The following SLC44A1 variants were observed in gnomAD, a reference collection of about 807,000 sequenced individuals.
The protein encoded by SLC44A1 is choline transporter-like protein 1.
A neutral mutation model predicts 79.3 loss-of-function variants in SLC44A1; 26 were observed. The observed-to-expected ratio is 0.33, with a 90% confidence interval of 0.24 to 0.46. The LOEUF is 0.46. SLC44A1 is among the 20% of genes least tolerant of loss of function. The pLI is 1.00. For missense variants in SLC44A1, 688 were observed against 798.1 expected (o/e 0.86, Z 1.66); for synonymous variants, 263 against 286.2 (o/e 0.92, Z 0.82).
chr9:105,260,980 A>G (rs1829825929), intron 1 of SLC44A1, among the ~76,000 whole-genome samples: 1 of 152,242 alleles, frequency 6.6e-6, no homozygotes, highest in African/African-American at 2.4e-5. Context: ...GTATTCAGAG[A>G]CTAAACATTT....
chr9:105,349,218 G>A (rs1183672569), intron 5 of SLC44A1, among the ~76,000 whole-genome samples: 2 of 152,122 alleles, frequency 1.3e-5, no homozygotes, highest in South Asian at 2.1e-4. Flanking sequence ...TGGAGTGTTG[G>A]TCAGATCACA....
At position 105,297,476 on chromosome 9, in the gene SLC44A1, C is replaced by T. The variant is rs565654921; in HGVS notation, c.37-1744C>T. On this transcript the variant is annotated intron_variant, in intron 1 of 15. Transcript: ENST00000374720. ...TTGGCTTACCACAACCTCCGCCTCC[C>T]GGGTTCAAGCGATTTTCCTGCCTCA... 8.5e-5 allele frequency among the ~76,000 whole-genome samples: 13 copies of T among 152,192 alleles called. No individual in the cohort carries two copies. The East Asian group carries it at 1.7e-3, about 20-fold the overall frequency.
intron 1 of SLC44A1, among the ~76,000 whole-genome samples, chr9:105,267,227 C>T (rs1277429092): frequency 2.6e-5 from 4 of 152,150 alleles, no homozygotes; most frequent in African/African-American, 4.8e-5. Flanking sequence ...CTTCTAGGGT[C>T]GCTGTTGAAG....
At chr9:105,297,682 T>G (rs1376274384) in intron 1 of SLC44A1, among the ~76,000 whole-genome samples, 1 of 152,170 alleles carries the variant, frequency 6.6e-6, no homozygotes, top group Non-Finnish European at 1.5e-5. Flanking sequence ...ATGCCTGGCC[T>G]GTGCTTACAT....
intron 15 of SLC44A1, among the ~76,000 whole-genome samples, chr9:105,419,034 C>A (rs888901040): frequency 1.3e-5 from 2 of 151,970 alleles, no homozygotes; most frequent in Non-Finnish European, 2.9e-5. Flanking sequence ...TGTAACTGAA[C>A]AAAATTTGGC....
At chr9:105,279,403 C>A (rs937568483) in intron 1 of SLC44A1, among the ~76,000 whole-genome samples, 1 of 151,180 alleles carries the variant, frequency 6.6e-6, no homozygotes, top group South Asian at 2.1e-4. Flanking sequence ...CTGCAACCTC[C>A]GCCTCCCGGG....
chr9:105,257,005 C>T (rs973328100), intron 1 of SLC44A1, among the ~76,000 whole-genome samples: 2 of 151,898 alleles, frequency 1.3e-5, no homozygotes, highest in African/African-American at 4.8e-5. Flanking sequence ...AGGCTGCTCT[C>T]GAACTCCTGA....
At chr9:105,423,017 A>G (rs776035278) in intron 15 of SLC44A1, among the ~76,000 whole-genome samples, 1 of 152,232 alleles carries the variant, frequency 6.6e-6, no homozygotes, top group Non-Finnish European at 1.5e-5. Context: ...TACTTATTGA[A>G]TGAACAAAGG....
Position 105,396,299 on chromosome 9 carries a change from T to A in SLC44A1, c.*7243T>A, listed in dbSNP as rs1828873613. ...AATCTAAAGAAGTTAGTTCAGTGGT[T>A]ATTAACTGATTTTATTACAGGAGAA... On this transcript the variant is annotated 3_prime_UTR_variant, in exon 16 of 16. Transcript: ENST00000374720. 11 of 985,220 alleles carry A rather than the reference T, an allele frequency of 1.1e-5. No homozygotes were observed. Among genetic ancestry groups the A allele is most frequent in the Non-Finnish European group, 1.3e-5 (11 of 829,766 alleles). The allele number at this position is 985,220 out of a possible 1,614,324, so 61.0% of individuals were successfully genotyped here. A position where few individuals can be genotyped will look rare whatever the true frequency, so the allele number is the denominator to read the frequency against.
chr9:105,394,690 G>A lies in SLC44A1; in HGVS notation c.*5634G>A. On this transcript the variant is annotated 3_prime_UTR_variant, in exon 16 of 16. Coordinates refer to ENST00000374720, the MANE Select transcript of SLC44A1 (RefSeq NM_080546.5). ...GTCAACATGTCCAGTTCCAACAACA[G>A]TTGAAGATGATGATAAATTAGCAAA... The A allele has an allele frequency of 2.0e-6, 2 of 985,344 alleles. No individual in the cohort carries two copies. The highest frequency in any genetic ancestry group is 3.5e-5 in the African/African-American group (2 of 57,330). 61.0% of individuals were successfully genotyped at this position (985,344 alleles called of 1,614,324 possible). A position where few individuals can be genotyped will look rare whatever the true frequency, so the allele number is the denominator to read the frequency against.
At chr9:105,259,136 A>G (rs1829783074) in intron 1 of SLC44A1, among the ~76,000 whole-genome samples, 2 of 152,164 alleles carry the variant, frequency 1.3e-5, no homozygotes, top group Admixed American at 1.3e-4. Flanking sequence ...AGTAAGGACC[A>G]ATGGCTACTG....
At chr9:105,282,710 G>A (rs1016952398) in intron 1 of SLC44A1, among the ~76,000 whole-genome samples, 2 of 151,942 alleles carry the variant, frequency 1.3e-5, no homozygotes, top group South Asian at 2.1e-4. Context: ...CACCATGCCC[G>A]GCTAATTTTT....
intron 5 of SLC44A1, among the ~76,000 whole-genome samples, chr9:105,355,048 C>G (rs1785387715): frequency 6.6e-6 from 1 of 152,148 alleles, no homozygotes; most frequent in South Asian, 2.1e-4. Flanking sequence ...AACATATTTT[C>G]ATGGATACCA....
At position 105,392,885 on chromosome 9, in the gene SLC44A1, T is replaced by A. The variant is rs1309255749; in HGVS notation, c.*3829T>A. On this transcript the variant is annotated 3_prime_UTR_variant, in exon 16 of 16. Coordinates refer to ENST00000374720, the MANE Select transcript of SLC44A1 (RefSeq NM_080546.5). ...AGCCTTAACATGGCCTCTGAGAAGT[T>A]TCCTCCAGAAAGGTCTTTAAGCTTT... 2.0e-6 allele frequency: 2 copies of A among 985,216 alleles called. No individual in the cohort carries two copies. Among genetic ancestry groups the A allele is most frequent in the Non-Finnish European group, 2.4e-6 (2 of 829,848 alleles). The allele number at this position is 985,216 out of a possible 1,614,324, so 61.0% of individuals were successfully genotyped here. A position where few individuals can be genotyped will look rare whatever the true frequency, so the allele number is the denominator to read the frequency against.
chr9:105,437,436 T>C (rs1829478485), intron 15 of SLC44A1, among the ~76,000 whole-genome samples: 1 of 152,082 alleles, frequency 6.6e-6, no homozygotes, highest in Non-Finnish European at 1.5e-5. Context: ...GACAGATTGA[T>C]ATAGATATAT....
intron 15 of SLC44A1, among the ~76,000 whole-genome samples, chr9:105,436,605 A>T (rs1249591252): frequency 6.6e-6 from 1 of 152,154 alleles, no homozygotes; most frequent in Non-Finnish European, 1.5e-5. Flanking sequence ...ATAAAATGAA[A>T]CTGGTAAGAC....
chr9:105,364,823 C>A, intron 10 of SLC44A1, 103 bp downstream of exon 10: 1 of 843,560 alleles, frequency 1.2e-6, no homozygotes, highest in Non-Finnish European at 1.9e-6. Flanking sequence ...AGTTTCATTT[C>A]TTTAACAAAA....
chr9:105,391,799 C>T lies in SLC44A1; in HGVS notation c.*2743C>T, dbSNP rs550127078. 65 of 984,912 alleles carry T rather than the reference C, an allele frequency of 6.6e-5. No individual in the cohort carries two copies. Among genetic ancestry groups the T allele is most frequent in the Non-Finnish European group, 7.5e-5 (62 of 829,720 alleles). 61.0% of individuals were successfully genotyped at this position (984,912 alleles called of 1,614,324 possible). A position where few individuals can be genotyped will look rare whatever the true frequency, so the allele number is the denominator to read the frequency against. ...AATTTCTCTGTGAAATGTGGATACC[C>T]GAATAATTTCATAAATCATTGATTC... On this transcript the variant is annotated 3_prime_UTR_variant, in exon 16 of 16. Coordinates refer to ENST00000374720, the MANE Select transcript of SLC44A1 (RefSeq NM_080546.5).
In SLC44A1 at chr9:105,335,569, A is replaced by G. The variant is rs1273342540; in HGVS notation, c.276A>G (p.Val92=). Residue 92 remains valine (V), a synonymous_variant, in exon 4 of 16, where the codon GTA becomes GTG. Transcript: ENST00000374720. The part of the protein sequence containing the change: ...SGMDHTQRKY[V]FFLDPCNLDL... ...TTTTTTCTCCATGCTTTAGGTATGT[A>G]TTCTTTTTGGATCCATGCAACCTGG... 1.2e-6 allele frequency: 2 copies of G among 1,611,592 alleles called. No individual in the cohort carries two copies. The highest frequency in any genetic ancestry group is 2.2e-5 in the East Asian group (1 of 44,826).
Sources: allele counts gnomAD v4.1 joint callset (sites outside exome capture counted in the v4.1 genomes callset), GRCh38; gene constraint gnomAD v4.1.1; transcripts MANE v1.5; gene names NCBI Gene and HGNC (gene_info 2026-07-23, HGNC 2026-07-21).